ROBO2: variants seen among roughly 807,000 people sequenced by gnomAD.
ROBO2 encodes the protein roundabout guidance receptor 2, also known as roundabout homolog 2.
ROBO2 carries 53 observed loss-of-function variants against 160.8 expected under a neutral mutation model. The ratio of observed to expected loss-of-function variants is 0.33; its 90% CI spans 0.26 to 0.41. The LOEUF is 0.41. Among genes scored for constraint, ROBO2 ranks in the 10% least tolerant of loss-of-function variants. ROBO2 has a pLI of 1.00. For missense variants in ROBO2, 1,577 were observed against 1,722.4 expected (o/e 0.92, Z 1.49); for synonymous variants, 664 against 611.7 (o/e 1.09, Z -1.26).
chr3:77,457,718 T>C (rs1293039908), intron 2 of ROBO2, among the ~76,000 whole-genome samples: 2 of 152,094 alleles, frequency 1.3e-5, no homozygotes, highest in African/African-American at 4.8e-5. Flanking sequence ...AAGCAAAGTG[T>C]CACAACTATT....
chr3:77,187,375 C>T (rs1164140185), intron 2 of ROBO2, among the ~76,000 whole-genome samples: 2 of 151,766 alleles, frequency 1.3e-5, no homozygotes, highest in Non-Finnish European at 1.5e-5. Flanking sequence ...TCCCAAAGGC[C>T]CAACATCCCA....
intron 2 of ROBO2, among the ~76,000 whole-genome samples, chr3:77,408,336 G>T (rs1206676569): frequency 6.6e-6 from 1 of 151,818 alleles, no homozygotes; most frequent in Non-Finnish European, 1.5e-5. Flanking sequence ...AGAATAAAAA[G>T]GTTTTCTATC....
chr3:76,455,187 C>G (rs2109323336), intron 2 of ROBO2, among the ~76,000 whole-genome samples: 1 of 152,130 alleles, frequency 6.6e-6, no homozygotes, highest in East Asian at 1.9e-4. Flanking sequence ...AAAATTATGT[C>G]TTAGACATTT....
chr3:77,495,130 A>T (rs1321500688), intron 5 of ROBO2, among the ~76,000 whole-genome samples: 1 of 152,242 alleles, frequency 6.6e-6, no homozygotes, highest in Non-Finnish European at 1.5e-5. Flanking sequence ...GAGAGCATGT[A>T]GTGAATAATT....
intron 2 of ROBO2, among the ~76,000 whole-genome samples, chr3:76,319,821 A>G (rs1278618746): frequency 1.3e-5 from 2 of 151,900 alleles, no homozygotes; most frequent in Non-Finnish European, 2.9e-5. Flanking sequence ...GATATCTATA[A>G]GTATCTTTAG....
chr3:76,356,348 G>T (rs1156626099), intron 2 of ROBO2, among the ~76,000 whole-genome samples: 1 of 151,486 alleles, frequency 6.6e-6, no homozygotes, highest in Non-Finnish European at 1.5e-5. Context: ...CAATAATTAT[G>T]CTAAACAGGG....
At position 77,234,674 on chromosome 3, in the gene ROBO2, A is replaced by G. The variant is rs182800832; in HGVS notation, c.388+136334A>G. Among the ~76,000 whole-genome samples, 13 of 152,194 alleles carry G rather than the reference A, an allele frequency of 8.5e-5. No homozygotes were observed. In the East Asian group the frequency reaches 1.7e-3, roughly 20 times the overall value. ...GTTGCACTTTCTTTATCCTTTTGTA[A>G]TTTTCATGTTGACCTATGTAAGTGC... On this transcript the variant is annotated intron_variant, in intron 2 of 25. Transcript: ENST00000461745.
chr3:77,387,989 A>G (rs1479470108), intron 2 of ROBO2, among the ~76,000 whole-genome samples: 1 of 151,960 alleles, frequency 6.6e-6, no homozygotes, highest in Non-Finnish European at 1.5e-5. Flanking sequence ...GGCAAAATAA[A>G]CTTCCAAATT....
chr3:77,455,007 A>T (rs1346534953), intron 2 of ROBO2, among the ~76,000 whole-genome samples: 1 of 152,180 alleles, frequency 6.6e-6, no homozygotes, highest in Non-Finnish European at 1.5e-5. Flanking sequence ...GAAAAAATGG[A>T]TTAGTAGTTT....
chr3:76,795,052 T>G (rs1278594154), intron 2 of ROBO2, among the ~76,000 whole-genome samples: 1 of 152,118 alleles, frequency 6.6e-6, no homozygotes, highest in Non-Finnish European at 1.5e-5. Flanking sequence ...TATATTTATA[T>G]ATACTGTAGA....
intron 2 of ROBO2, among the ~76,000 whole-genome samples, chr3:76,614,600 C>A (rs2088417622): frequency 1.3e-5 from 2 of 152,018 alleles, no homozygotes; most frequent in Admixed American, 1.3e-4. Context: ...TTATTAGCTA[C>A]AACACAGCAT....
intron 2 of ROBO2, among the ~76,000 whole-genome samples, chr3:76,275,782 A>G (rs771767956): frequency 6.6e-6 from 1 of 152,106 alleles, no homozygotes; most frequent in African/African-American, 2.4e-5. Context: ...TGTTATGCAT[A>G]TTCCTAAATT....
intron 2 of ROBO2, among the ~76,000 whole-genome samples, chr3:75,954,618 G>A (rs1396920010): frequency 6.6e-6 from 1 of 151,714 alleles, no homozygotes; most frequent in Admixed American, 6.6e-5. Flanking sequence ...AAAACAAAAC[G>A]AAACAAAGCC....
intron 2 of ROBO2, among the ~76,000 whole-genome samples, chr3:76,515,033 C>T (rs896030601): frequency 6.6e-6 from 1 of 152,138 alleles, no homozygotes; most frequent in South Asian, 2.1e-4. Context: ...ATGGCTTGTT[C>T]ATTTATAACT....
chr3:76,608,516 G>A (rs1355679011), intron 2 of ROBO2, among the ~76,000 whole-genome samples: 1 of 152,136 alleles, frequency 6.6e-6, no homozygotes, highest in East Asian at 1.9e-4. Context: ...TCTCAACTAG[G>A]ATGGTTTGGA....
At chr3:77,536,597 G>T (rs2092120983) in intron 6 of ROBO2, among the ~76,000 whole-genome samples, 1 of 152,056 alleles carries the variant, frequency 6.6e-6, no homozygotes, top group African/African-American at 2.4e-5. Context: ...AAAATGTGTT[G>T]TAACATGCTT....
At chr3:76,263,008 C>A (rs1390816505) in intron 2 of ROBO2, among the ~76,000 whole-genome samples, 2 of 152,108 alleles carry the variant, frequency 1.3e-5, no homozygotes, top group Non-Finnish European at 2.9e-5. Context: ...TCTCTGCTTG[C>A]CAAACTCAAC....
intron 2 of ROBO2, among the ~76,000 whole-genome samples, chr3:76,338,347 A>C (rs746828277): frequency 6.6e-6 from 1 of 152,122 alleles, no homozygotes; most frequent in African/African-American, 2.4e-5. Flanking sequence ...TTGCTCACTT[A>C]AGTGATCACA....
chr3:76,808,223 G>A (rs1023559476), intron 2 of ROBO2, among the ~76,000 whole-genome samples: 2 of 152,042 alleles, frequency 1.3e-5, no homozygotes, highest in Admixed American at 6.6e-5. Context: ...TTACTCCAAC[G>A]ATGCACTGCA....
Sources: allele counts gnomAD v4.1 joint callset (sites outside exome capture counted in the v4.1 genomes callset), GRCh38; gene constraint gnomAD v4.1.1; transcripts MANE v1.5; gene names NCBI Gene and HGNC (gene_info 2026-07-23, HGNC 2026-07-21).